The following ZMYM4 variants were observed in gnomAD, a reference collection of about 807,000 sequenced individuals.
The protein encoded by ZMYM4 is zinc finger MYM-type protein 4.
A neutral mutation model predicts 183.2 loss-of-function variants in ZMYM4; 31 were observed. The ratio of observed to expected loss-of-function variants is 0.17; its 90% confidence interval spans 0.13 to 0.23. ZMYM4 has a LOEUF of 0.23. Among genes scored for constraint, ZMYM4 ranks in the 10% least tolerant of loss-of-function variants. The pLI is 1.00. For missense variants in ZMYM4, 1,273 were observed against 1,840.3 expected (o/e 0.69, Z 5.64); for synonymous variants, 592 against 631.2 (o/e 0.94, Z 0.93).
chr1:35,380,485 G>A (rs756480327), intron 7 of ZMYM4, among the ~76,000 whole-genome samples: 4 of 151,938 alleles, frequency 2.6e-5, no homozygotes, highest in Admixed American at 6.6e-5. Flanking sequence ...ATGCCGCCAC[G>A]CCTGGCTAAT....
chr1:35,279,708 A>G (rs1405587473), intron 1 of ZMYM4, among the ~76,000 whole-genome samples: 2 of 152,212 alleles, frequency 1.3e-5, no homozygotes, highest in Non-Finnish European at 2.9e-5. Flanking sequence ...CCTAGGCTAA[A>G]TATTCAAGTT....
intron 2 of ZMYM4, among the ~76,000 whole-genome samples, chr1:35,347,460 G>C (rs557152357): frequency 6.6e-6 from 1 of 152,090 alleles, no homozygotes; most frequent in African/African-American, 2.4e-5. Flanking sequence ...AAAAGTACAA[G>C]TTACTCTGTC....
chr1:35,379,761 A>G (rs1258783826), intron 7 of ZMYM4, among the ~76,000 whole-genome samples: 1 of 152,176 alleles, frequency 6.6e-6, no homozygotes, highest in Non-Finnish European at 1.5e-5. Flanking sequence ...GAGGTTATTC[A>G]TTGGCCTGCT....
intron 1 of ZMYM4, among the ~76,000 whole-genome samples, chr1:35,318,871 TTAAACTGACAC>T (rs1642165590): frequency 6.6e-6 from 1 of 152,230 alleles, no homozygotes; most frequent in Non-Finnish European, 1.5e-5. Context: ...CCCTACACAT[TTAAACTGACAC>T]AGTGTTTTTG....
intron 2 of ZMYM4, among the ~76,000 whole-genome samples, chr1:35,335,608 G>A (rs1469709611): frequency 6.6e-6 from 1 of 152,066 alleles, no homozygotes; most frequent in African/African-American, 2.4e-5. Flanking sequence ...TGTCACCAAT[G>A]CATGATAATT....
chr1:35,300,362 C>T (rs561583066), intron 1 of ZMYM4, among the ~76,000 whole-genome samples: 1 of 152,298 alleles, frequency 6.6e-6, no homozygotes, highest in African/African-American at 2.4e-5. Context: ...TAAGAATTCT[C>T]TATCACTTTT....
At chr1:35,348,281 C>T (rs1187306199) in intron 2 of ZMYM4, among the ~76,000 whole-genome samples, 1 of 152,138 alleles carries the variant, frequency 6.6e-6, no homozygotes, top group Non-Finnish European at 1.5e-5. Context: ...TCAGATTGAT[C>T]TAAATATTCC....
chr1:35,314,344 G>T (rs888125182), intron 1 of ZMYM4, among the ~76,000 whole-genome samples: 7 of 151,934 alleles, frequency 4.6e-5, no homozygotes, highest in Non-Finnish European at 8.8e-5. Context: ...GAGTGCAGTG[G>T]CACAATCTCA....
At chr1:35,399,078 T>G in intron 22 of ZMYM4, 35 bp downstream of exon 22, 1 of 1,603,718 alleles carries the variant, frequency 6.2e-7, no homozygotes, top group East Asian at 2.2e-5. Context: ...TGAAAGCTTT[T>G]TATTTTAAAA....
chr1:35,284,108 C>T (rs1463587944), intron 1 of ZMYM4, among the ~76,000 whole-genome samples: 1 of 151,932 alleles, frequency 6.6e-6, no homozygotes, highest in Admixed American at 6.6e-5. Flanking sequence ...TCCCGAGTAG[C>T]TGGGACTACA....
At chr1:35,337,604 T>C (rs1643027592) in intron 2 of ZMYM4, among the ~76,000 whole-genome samples, 1 of 152,196 alleles carries the variant, frequency 6.6e-6, no homozygotes, top group Non-Finnish European at 1.5e-5. Flanking sequence ...TTGTAGGTCA[T>C]ACTGTCTCTG....
intron 1 of ZMYM4, among the ~76,000 whole-genome samples, chr1:35,302,378 CTTTTTTTTTTTT>C (rs1179477732): frequency 2.3e-4 from 20 of 86,164 alleles, no homozygotes; most frequent in South Asian, 3.9e-4. Context: ...GCTAATTTGA[CTTTTTTTTTTTT>C]TTTTTTTTTT....
intron 1 of ZMYM4, among the ~76,000 whole-genome samples, chr1:35,305,478 C>T (rs1641494164): frequency 6.6e-6 from 1 of 151,958 alleles, no homozygotes; most frequent in Non-Finnish European, 1.5e-5. Flanking sequence ...CTCTCAGCCT[C>T]CCAAAGTGTT....
chr1:35,374,019 C>CTT (rs397863926), intron 7 of ZMYM4, among the ~76,000 whole-genome samples: 841 of 52,810 alleles, frequency 0.016, 187 homozygotes, highest in African/African-American at 0.044. Flanking sequence ...TCATGGGATT[C>CTT]TTTTTTTTTT....
At chr1:35,368,909 C>A (rs992991848) in intron 5 of ZMYM4, among the ~76,000 whole-genome samples, 3 of 151,984 alleles carry the variant, frequency 2.0e-5, no homozygotes, top group Admixed American at 6.6e-5. Flanking sequence ...TCTTCATGGA[C>A]CTTGCATAAA....
intron 1 of ZMYM4, among the ~76,000 whole-genome samples, chr1:35,293,911 G>A (rs978224569): frequency 3.9e-5 from 6 of 151,974 alleles, no homozygotes; most frequent in African/African-American, 1.4e-4. Context: ...CAGCACTTTG[G>A]GAGCACGAGG....
At chr1:35,375,193 C>T (rs1374473802) in intron 7 of ZMYM4, among the ~76,000 whole-genome samples, 4 of 151,940 alleles carry the variant, frequency 2.6e-5, no homozygotes. Flanking sequence ...TTACTTTTTG[C>T]TTCAGTCTTC....
intron 1 of ZMYM4, among the ~76,000 whole-genome samples, chr1:35,306,357 G>C (rs1222227127): frequency 2.0e-5 from 3 of 151,730 alleles, no homozygotes; most frequent in Non-Finnish European, 4.4e-5. Flanking sequence ...TTCTATGAAT[G>C]CTTGTTTATT....
intron 1 of ZMYM4, among the ~76,000 whole-genome samples, chr1:35,276,443 T>TA (rs1639880913): frequency 6.6e-6 from 1 of 151,930 alleles, no homozygotes; most frequent in African/African-American, 2.4e-5. Context: ...ACAATACTGT[T>TA]ACGACCTAAC....
Sources: gnomAD v4.1 joint callset for allele counts (sites outside exome capture counted in the v4.1 genomes callset) on GRCh38, gnomAD v4.1.1 for gene constraint, MANE v1.5 for transcripts, NCBI Gene and HGNC (gene_info 2026-07-23, HGNC 2026-07-21) for gene names.